The following PLCG2 variants were observed in gnomAD, a reference collection of about 807,000 sequenced individuals.
The protein encoded by PLCG2 is phospholipase C gamma 2.
Under a neutral mutation model 175.6 loss-of-function variants are expected in PLCG2, and 69 were observed. That is an observed-to-expected ratio of 0.39 (90% CI 0.32 to 0.48). The LOEUF (loss-of-function observed/expected upper bound fraction) is 0.48. PLCG2 is among the 20% of genes least tolerant of loss of function. The pLI is 0.91. For synonymous variants in PLCG2, 827 were observed against 624.0 expected, an observed-to-expected ratio of 1.33 and a Z score of -4.85; for missense variants, 1,798 against 1,650.9, an observed-to-expected ratio of 1.09 and a Z score of -1.54.
Position 81,962,209 on chromosome 16 carries a change from C to G in PLCG2, c.*4211C>G, listed in dbSNP as rs1911804020. On this transcript the variant is annotated 3_prime_UTR_variant, in exon 33 of 33. Transcript: ENST00000564138. ...CTAAGTGATGAATTGTATTTGGAAG[C>G]AAAAAGGATGGCTAAAAAGGACCTC... 5.3e-6 allele frequency: 1 copy of G among 187,200 alleles called. No individual in the cohort carries two copies. Among genetic ancestry groups the G allele is most frequent in the African/African-American group, 2.3e-5 (1 of 42,752 alleles). 11.6% of individuals were successfully genotyped at this position (187,200 alleles called of 1,614,324 possible).
At chr16:81,897,311 T>G (rs547688606) in intron 13 of PLCG2, among the ~76,000 whole-genome samples, 21 of 152,374 alleles carry the variant, frequency 1.4e-4, no homozygotes, top group African/African-American at 4.8e-4. Context: ...TTCTGAGTCC[T>G]TCTCGCTGAG....
chr16:81,935,155 T>C (rs942369987), intron 26 of PLCG2, among the ~76,000 whole-genome samples: 2 of 152,204 alleles, frequency 1.3e-5, no homozygotes, highest in African/African-American at 4.8e-5. Flanking sequence ...TATCATGAGG[T>C]CAACATCAGG....
intron 13 of PLCG2, among the ~76,000 whole-genome samples, chr16:81,899,667 A>C (rs772903261): frequency 2.6e-5 from 4 of 152,138 alleles, no homozygotes; most frequent in Non-Finnish European, 4.4e-5. Context: ...TTGCTGTTCA[A>C]ATGGCCCGAA....
At position 81,961,212 on chromosome 16, in the gene PLCG2, C is replaced by G. The variant is rs371211804; in HGVS notation, c.*3214C>G. 107 of 226,400 alleles carry G rather than the reference C, an allele frequency of 4.7e-4. 1 individual carries two copies. Among genetic ancestry groups the G allele is most frequent in the African/African-American group, 2.2e-3 (97 of 45,034 alleles). The allele number at this position is 226,400 out of a possible 1,614,324, so 14.0% of individuals were successfully genotyped here. ...AGTGATTCTGCTATCATAAAGCTTC[C>G]GTTCCCATTGATGTATCTGTGTGAA... is the stretch of plus-strand genomic sequence containing the variant. On this transcript the variant is annotated 3_prime_UTR_variant, in exon 33 of 33. Coordinates refer to ENST00000564138, the MANE Select transcript of PLCG2 (RefSeq NM_002661.5).
intron 16 of PLCG2, 82 bp downstream of exon 16, chr16:81,907,856 G>A: frequency 1.0e-6 from 1 of 971,138 alleles, no homozygotes; most frequent in Non-Finnish European, 1.6e-6. Flanking sequence ...TCCTTCCCAT[G>A]TGGCTTCTCT....
At chr16:81,789,640 C>T (rs1471419759) in intron 2 of PLCG2, among the ~76,000 whole-genome samples, 1 of 152,200 alleles carries the variant, frequency 6.6e-6, no homozygotes, top group African/African-American at 2.4e-5. Flanking sequence ...CTTCTTCTTT[C>T]TCCCTGGAGA....
intron 2 of PLCG2, among the ~76,000 whole-genome samples, chr16:81,820,597 C>G (rs1160539374): frequency 6.8e-6 from 1 of 147,972 alleles, no homozygotes; most frequent in African/African-American, 2.5e-5. Flanking sequence ...TCAGTTTTCC[C>G]CTCTGTATAA....
chr16:81,843,379 C>G (rs1355519329), intron 2 of PLCG2, among the ~76,000 whole-genome samples: 1 of 152,194 alleles, frequency 6.6e-6, no homozygotes, highest in African/African-American at 2.4e-5. Context: ...TCCTTCTTAG[C>G]TGAATCCAGT....
intron 2 of PLCG2, among the ~76,000 whole-genome samples, chr16:81,771,069 AAAAT>A (rs1555504903): frequency 9.6e-5 from 14 of 145,186 alleles, no homozygotes; most frequent in East Asian, 4.1e-4. Context: ...AAAAAAAAAA[AAAAT>A]AAATAAATAA....
At chr16:81,818,869 G>A (rs924688161) in intron 2 of PLCG2, among the ~76,000 whole-genome samples, 1 of 139,046 alleles carries the variant, frequency 7.2e-6, no homozygotes, top group Non-Finnish European at 1.5e-5. Flanking sequence ...CCATAAGCTA[G>A]TGTGGGCTCA....
chr16:81,912,048 C>G (rs1909650136), intron 18 of PLCG2, among the ~76,000 whole-genome samples: 1 of 152,144 alleles, frequency 6.6e-6, no homozygotes, highest in Non-Finnish European at 1.5e-5. Flanking sequence ...CCACCCGCCT[C>G]AACCTCCCAA....
At chr16:81,803,562 C>CTTTCA (rs774309905) in intron 2 of PLCG2, among the ~76,000 whole-genome samples, 1,411 of 140,504 alleles carry the variant, frequency 0.01, 14 homozygotes, top group Non-Finnish European at 0.017. Context: ...TCTTTCCTTC[C>CTTTCA]TTTCCTTTCC....
At chr16:81,828,261 TTTGA>T (rs1359400793) in intron 2 of PLCG2, among the ~76,000 whole-genome samples, 4 of 112,404 alleles carry the variant, frequency 3.6e-5, no homozygotes, top group Non-Finnish European at 5.4e-5. Flanking sequence ...TTTTTTTTTT[TTTGA>T]GACAGAATCT....
At chr16:81,846,747 G>C (rs1372282234) in intron 2 of PLCG2, among the ~76,000 whole-genome samples, 1 of 152,066 alleles carries the variant, frequency 6.6e-6, no homozygotes, top group Non-Finnish European at 1.5e-5. Flanking sequence ...AAATCTAATA[G>C]AGATACAAGA....
In PLCG2 at chr16:81,944,678, G is replaced by A. The variant is rs779070852; in HGVS notation, c.3482-1497G>A. Among the ~76,000 whole-genome samples, 10 of 152,106 alleles carry A rather than the reference G, an allele frequency of 6.6e-5. 1 individual carries two copies. The highest frequency in any genetic ancestry group is 1.5e-4 in the Non-Finnish European group (10 of 68,006). Reference sequence around the variant, plus strand: ...CTTGTAGAGATGGGGGTCTTGCTATGTTGCCTAGGCTAGTCTTGAATTCCT... The same window carrying A: ...CTTGTAGAGATGGGGGTCTTGCTATATTGCCTAGGCTAGTCTTGAATTCCT... On this transcript the variant is annotated intron_variant, in intron 30 of 32. Transcript: ENST00000564138.
chr16:81,876,016 C>CTTTTTTTTTTTTTT lies in PLCG2; in HGVS notation c.649-4886_649-4873dup, dbSNP rs547152035. Reference sequence around the variant, plus strand: ...CTCTGGTTAGCTTTTCTTTTTCTTTCTTTTTTTTTTTTTTTTTTTTTGTTT... The same window carrying CTTTTTTTTTTTTTT: ...CTCTGGTTAGCTTTTCTTTTTCTTTCTTTTTTTTTTTTTTTTTTTTTTTTTTTTTTTTTTTGTTT... On this transcript the variant is annotated intron_variant, in intron 7 of 32. Transcript: ENST00000564138. 1.8e-4 allele frequency among the ~76,000 whole-genome samples: 21 copies of CTTTTTTTTTTTTTT among 114,990 alleles called. 2 individuals carry two copies. The highest frequency in any genetic ancestry group is 2.9e-4 in the South Asian group (1 of 3,400). The allele number at this position is 114,990 out of a possible 152,430, so 75.4% of individuals were successfully genotyped here.
At chr16:81,778,028 AAAAC>A (rs1177429032), upstream of PLCG2, among the ~76,000 whole-genome samples, 98 of 63,462 alleles carry the variant, frequency 1.5e-3, no homozygotes, top group Middle Eastern at 6.3e-3. Flanking sequence ...AAAAAAAAAA[AAAAC>A]AAAAAAAAAA....
chr16:81,920,710 G>A (rs554638651), intron 20 of PLCG2, among the ~76,000 whole-genome samples: 1 of 151,828 alleles, frequency 6.6e-6, no homozygotes, highest in African/African-American at 2.4e-5. Flanking sequence ...GGTGGATCTT[G>A]TCAGTGGTGT....
intron 2 of PLCG2, among the ~76,000 whole-genome samples, chr16:81,823,243 C>G (rs1001031800): frequency 6.6e-6 from 1 of 152,222 alleles, no homozygotes; most frequent in South Asian, 2.1e-4. Flanking sequence ...GGCTTTACCT[C>G]GAGACTGGAT....
Sources: gnomAD v4.1 joint callset for allele counts (sites outside exome capture counted in the v4.1 genomes callset) on GRCh38, gnomAD v4.1.1 for gene constraint, MANE v1.5 for transcripts, NCBI Gene and HGNC (gene_info 2026-07-23, HGNC 2026-07-21) for gene names.